Variants in NUP58 observed in about 807,000 individuals in gnomAD.
NUP58 encodes the protein nucleoporin 58.
A neutral mutation model predicts 70.1 loss-of-function variants in NUP58; 17 were observed. The observed-to-expected ratio is 0.24, with a 90% CI of 0.17 to 0.36. NUP58 has a LOEUF of 0.36. Ranked by LOEUF, NUP58 falls within the 10% of genes least tolerant of loss-of-function variation. The pLI is 1.00. For synonymous variants in NUP58, 275 were observed against 257.6 expected (o/e 1.07, Z -0.65); for missense variants, 644 against 701.5 (o/e 0.92, Z 0.93).
At chr13:25,327,129 C>A (rs1206683308) in intron 11 of NUP58, 95 bp downstream of exon 11, 11 of 672,346 alleles carry the variant, frequency 1.6e-5, no homozygotes, top group Non-Finnish European at 1.0e-5. Flanking sequence ...ACTGGTAGCC[C>A]CTTTAAGAAA....
intron 13 of NUP58, chr13:25,334,730 A>G (rs1390182235): frequency 1.0e-6 from 1 of 980,374 alleles, no homozygotes; most frequent in African/African-American, 1.7e-5. Flanking sequence ...TTTTTCTGTT[A>G]ATGCAGTTTT....
At chr13:25,331,111 G>A (rs1005817205) in intron 12 of NUP58, among the ~76,000 whole-genome samples, 3 of 152,010 alleles carry the variant, frequency 2.0e-5, no homozygotes, top group African/African-American at 7.2e-5. Context: ...TTTAAACAAG[G>A]CCTCACAAAG....
chr13:25,326,890 T>A, intron 10 of NUP58, 26 bp from the exon 11 acceptor site: 1 of 1,305,242 alleles, frequency 7.7e-7, no homozygotes, highest in Non-Finnish European at 1.1e-6. Context: ...AAATATTTGA[T>A]CTGACTTTTT....
intron 10 of NUP58, among the ~76,000 whole-genome samples, chr13:25,325,371 T>TA (rs1233335428): frequency 6.6e-6 from 1 of 152,180 alleles, no homozygotes; most frequent in Non-Finnish European, 1.5e-5. Context: ...AATGGAAAAT[T>TA]ACCATTATTC....
In NUP58 at chr13:25,301,660, C is replaced by T. The variant is rs958441645; in HGVS notation, c.-114C>T. The T allele has an allele frequency of 7.6e-6, 4 of 527,314 alleles. No homozygotes were observed. Among genetic ancestry groups the T allele is most frequent in the East Asian group, 3.5e-5 (1 of 28,488 alleles). 32.7% of individuals were successfully genotyped at this position (527,314 alleles called of 1,614,324 possible). ...TCGCCGCCGTTGGGGCTGGAAGTTC[C>T]CGCCAGGTCCGTGCCGGGCGAGAGA... On this transcript the variant is annotated 5_prime_UTR_variant, in exon 1 of 16. Transcript: ENST00000381736.
At chr13:25,319,761 C>G (rs986718246) in intron 7 of NUP58, among the ~76,000 whole-genome samples, 2 of 152,022 alleles carry the variant, frequency 1.3e-5, no homozygotes, top group Non-Finnish European at 2.9e-5. Flanking sequence ...CCATATACAT[C>G]ATATATATGT....
rs562943071 is a variant in NUP58, at chr13:25,301,669, C to G, written c.-105C>G. Reference sequence around the variant, plus strand: ...TTGGGGCTGGAAGTTCCCGCCAGGTCCGTGCCGGGCGAGAGAGATGCTGCC... The same window carrying G: ...TTGGGGCTGGAAGTTCCCGCCAGGTGCGTGCCGGGCGAGAGAGATGCTGCC... On this transcript the variant is annotated 5_prime_UTR_variant, in exon 1 of 16. Coordinates refer to ENST00000381736, the MANE Select transcript of NUP58 (RefSeq NM_014089.4). 7 of 572,758 alleles carry G rather than the reference C, an allele frequency of 1.2e-5. No individual in the cohort carries two copies. The highest frequency in any genetic ancestry group is 2.0e-5 in the Non-Finnish European group (7 of 349,736). The allele number at this position is 572,758 out of a possible 1,614,324, so 35.5% of individuals were successfully genotyped here.
In NUP58 at chr13:25,337,278, T is replaced by G. The variant is rs142902166; in HGVS notation, c.1534+244T>G. Among the ~76,000 whole-genome samples the G allele has an allele frequency of 4.6e-3, 700 of 152,310 alleles. 2 individuals are homozygous for G. The highest frequency in any genetic ancestry group is 6.5e-3 in the Non-Finnish European group (441 of 68,018). ...ATTAAGTGGTAGGCATGTTCATGTT[T>G]TCAAAGCAATATGCTGACACATGAA... On this transcript the variant is annotated intron_variant, in intron 14 of 15. Transcript: ENST00000381736.
chr13:25,331,681 A>T, intron 13 of NUP58, 123 bp downstream of exon 13: 1 of 1,471,778 alleles, frequency 6.8e-7, no homozygotes. Context: ...TTCCAATACA[A>T]TCTAAAATTG....
At chr13:25,307,273 G>A (rs1006845395) in intron 1 of NUP58, among the ~76,000 whole-genome samples, 1 of 128,464 alleles carries the variant, frequency 7.8e-6, no homozygotes, top group African/African-American at 2.9e-5. Context: ...GGAGTGCAGT[G>A]ACACTATCTC....
intron 3 of NUP58, 116 bp from the exon 4 acceptor site, chr13:25,312,767 G>A: frequency 1.1e-6 from 1 of 946,774 alleles, no homozygotes; most frequent in Non-Finnish European, 1.5e-6. Context: ...TTCTTCTATT[G>A]GCAAAAGGTA....
At chr13:25,327,342 G>T in intron 11 of NUP58, 88 bp from the exon 12 acceptor site, 2 of 805,206 alleles carry the variant, frequency 2.5e-6, no homozygotes, top group Non-Finnish European at 3.9e-6. Context: ...CGTTAACTGT[G>T]CCAAAAATTG....
At chr13:25,324,536 T>C (rs926062926) in intron 9 of NUP58, among the ~76,000 whole-genome samples, 2 of 152,194 alleles carry the variant, frequency 1.3e-5, no homozygotes, top group Admixed American at 6.5e-5. Flanking sequence ...TTCCCTACAT[T>C]GTAATGTTGT....
chr13:25,337,020 C>T lies in NUP58; in HGVS notation c.1520C>T (p.Ser507Phe). Residue 507 changes from serine (S) to phenylalanine (F), a missense_variant, in exon 14 of 16, where the codon TCT (serine) becomes TTT (phenylalanine). This residue lies in a region of NUP58 where 132 missense variants were observed against 203.9 expected (regional missense o/e 0.65). Transcript: ENST00000381736. ...GGCTTGCAATCAAGTGGCTTAGGTT[C>T]TTCAAACCTTGGAGGTACACTTTAA... is the stretch of plus-strand genomic sequence containing the variant. Reference protein sequence around the residue: ...GTGLQSSGLGSSNLGGFGTSS... With the variant: ...GTGLQSSGLGFSNLGGFGTSS... 6.3e-7 allele frequency: 1 copy of T among 1,598,822 alleles called. No homozygotes were observed. Among genetic ancestry groups the T allele is most frequent in the Non-Finnish European group, 8.5e-7 (1 of 1,174,164 alleles).
rs915802286 is a variant in NUP58, at chr13:25,309,170, C to T, written c.251-77C>T. 10 of 1,103,640 alleles carry T rather than the reference C, an allele frequency of 9.1e-6. No homozygotes were observed. The South Asian group carries it at 1.3e-4, about 14-fold the overall frequency. 68.4% of individuals were successfully genotyped at this position (1,103,640 alleles called of 1,614,324 possible). A position where few individuals can be genotyped will look rare whatever the true frequency, so the allele number is the denominator to read the frequency against. On this transcript the variant is annotated intron_variant, in intron 2 of 15. Coordinates refer to ENST00000381736, the MANE Select transcript of NUP58 (RefSeq NM_014089.4). ...TCACTCCCTGAGGGTGATTTTAAGTCTTTCCCTTATGACAGGTAAACCTAA... is the reference window on the plus strand; with the variant it reads ...TCACTCCCTGAGGGTGATTTTAAGTTTTTCCCTTATGACAGGTAAACCTAA...
chr13:25,324,438 C>G (rs937713664), intron 9 of NUP58, among the ~76,000 whole-genome samples: 1 of 152,074 alleles, frequency 6.6e-6, no homozygotes, highest in African/African-American at 2.4e-5. Flanking sequence ...TTAAAAGATC[C>G]AGTTCTTCGG....
Position 25,313,771 on chromosome 13 carries a change from C to T in NUP58, c.574+20C>T. On this transcript the variant is annotated intron_variant, in intron 5 of 15. Coordinates refer to ENST00000381736, the MANE Select transcript of NUP58 (RefSeq NM_014089.4). ...CATCAGGTAATTGATGGTATTTATT[C>T]TCCAGAATAGTAAATATTTATATTT... is the stretch of plus-strand genomic sequence containing the variant. 1 of 1,499,800 alleles carries T rather than the reference C, an allele frequency of 6.7e-7. No individual in the cohort carries two copies. The highest frequency in any genetic ancestry group is 1.7e-4 in the Middle Eastern group (1 of 5,732). The allele number at this position is 1,499,800 out of a possible 1,614,324, so 92.9% of individuals were successfully genotyped here.
At position 25,341,114 on chromosome 13, in the gene NUP58, A is replaced by C. The variant is rs2031942226; in HGVS notation, c.*980A>C. 1 of 152,170 alleles carries C rather than the reference A, an allele frequency of 6.6e-6. No homozygotes were observed. Among genetic ancestry groups the C allele is most frequent in the Non-Finnish European group, 1.5e-5 (1 of 68,028 alleles). The allele number at this position is 152,170 out of a possible 1,614,324, so 9.4% of individuals were successfully genotyped here. A position where few individuals can be genotyped will look rare whatever the true frequency, so the allele number is the denominator to read the frequency against. ...GACTTATTGAAATGGTTACTGGCGT[A>C]AATACTTGGCCAACTCAACTTTATT... On this transcript the variant is annotated 3_prime_UTR_variant, in exon 16 of 16. Coordinates refer to ENST00000381736, the MANE Select transcript of NUP58 (RefSeq NM_014089.4).
chr13:25,328,185 CA>C (rs1409897182), intron 12 of NUP58, among the ~76,000 whole-genome samples: 1 of 151,400 alleles, frequency 6.6e-6, no homozygotes, highest in African/African-American at 2.4e-5. Flanking sequence ...GGCAACAGAG[CA>C]AGATTCCATC....
Sources: gnomAD v4.1 joint callset for allele counts (sites outside exome capture counted in the v4.1 genomes callset) on GRCh38, gnomAD v4.1.1 for gene constraint, gnomAD v4.1.1 regional missense constraint, MANE v1.5 for transcripts, NCBI Gene and HGNC (gene_info 2026-07-23, HGNC 2026-07-21) for gene names.